INSC: variants seen among roughly 807,000 people sequenced by gnomAD.
INSC encodes protein inscuteable homolog.
A neutral mutation model predicts 58.6 loss-of-function variants in INSC; 67 were observed. That is an observed-to-expected ratio of 1.14 (90% CI 0.94 to 1.40). INSC has a LOEUF of 1.40. INSC is among the 40% of genes most tolerant of loss of function. The probability of loss-of-function intolerance (pLI) is 0.00; values close to 1 mark genes in which losing one functional copy is unlikely to be tolerated. For synonymous variants in INSC, 262 were observed against 276.1 expected (o/e 0.95, Z 0.51); for missense variants, 714 against 692.0 (o/e 1.03, Z -0.36).
Position 15,234,041 on chromosome 11 carries a change from C to T in INSC, c.1171-1561C>T, listed in dbSNP as rs144604174. Among the ~76,000 whole-genome samples the T allele has an allele frequency of 9.2e-4, 140 of 152,324 alleles. 1 individual carries two copies. The highest frequency in any genetic ancestry group is 1.9e-3 in the South Asian group (9 of 4,826). On this transcript the variant is annotated intron_variant, in intron 9 of 12. Coordinates refer to ENST00000379556, the MANE Select transcript of INSC (RefSeq NM_001042536.3). ...AAGTGCAAAAACAAGTAAATAAATA[C>T]GTAAAAGAGCCTCTAAGTCCTAAAC...
chr11:15,153,825 G>A (rs192618986), intron 2 of INSC, among the ~76,000 whole-genome samples: 47 of 152,310 alleles, frequency 3.1e-4, no homozygotes, highest in African/African-American at 9.1e-4. Flanking sequence ...ACTGAGGCCC[G>A]GAGAGGGGAA....
chr11:15,210,297 C>T (rs1850968825), intron 7 of INSC, among the ~76,000 whole-genome samples: 1 of 145,186 alleles, frequency 6.9e-6, no homozygotes, highest in African/African-American at 2.7e-5. Context: ...TATCCTGTGG[C>T]ATATGAAGTA....
chr11:15,219,039 GCAGA>G (rs1564909981), intron 7 of INSC, among the ~76,000 whole-genome samples: 3 of 152,180 alleles, frequency 2.0e-5, no homozygotes, highest in Non-Finnish European at 4.4e-5. Flanking sequence ...GGACAGGGGA[GCAGA>G]CAGACAAAGG....
At chr11:15,213,483 T>A (rs1439680925) in intron 7 of INSC, among the ~76,000 whole-genome samples, 1 of 152,194 alleles carries the variant, frequency 6.6e-6, no homozygotes, top group African/African-American at 2.4e-5. Flanking sequence ...AAACTTGATA[T>A]TTTCTTATCA....
intron 1 of INSC, among the ~76,000 whole-genome samples, chr11:15,127,054 G>A (rs1345803469): frequency 1.3e-5 from 2 of 152,230 alleles, no homozygotes; most frequent in East Asian, 3.9e-4. Flanking sequence ...AGAGGAGAGG[G>A]AGGTTTTGGT....
rs780043285 is a variant in INSC at position 15,190,801 on chromosome 11, G to A, written c.680G>A (p.Arg227His). 12 of 1,611,034 alleles carry A rather than the reference G, an allele frequency of 7.4e-6. No individual in the cohort carries two copies. Among genetic ancestry groups the A allele is most frequent in the South Asian group, 6.6e-5 (6 of 91,008 alleles). ...SLTQEGAPLC[R>H]IIAKEGGVVA... is the part of the protein sequence containing the mutation. ...ACCCAGGAGGGGGCTCCCTTGTGCC[G>A]CATCATAGCCAAGGTGAGCTTCATG... is the stretch of plus-strand genomic sequence containing the variant. Residue 227 changes from arginine to histidine, a missense_variant, in exon 6 of 13, where the codon CGC becomes CAC. Coordinates refer to ENST00000379556, the MANE Select transcript of INSC (RefSeq NM_001042536.3).
In INSC at chr11:15,177,136, G is replaced by T. The variant is rs1849598389; in HGVS notation, c.428G>T (p.Cys143Phe). The change falls in exon 4 of 13, where the codon TGC becomes TTC. Residue 143 changes from cysteine to phenylalanine, a missense_variant. Cys to Phe is a radical substitution (Grantham distance 205). Coordinates refer to ENST00000379556, the MANE Select transcript of INSC (RefSeq NM_001042536.3). ...ATTGAGAAGCTGCTAATGGAGAAAT[G>T]CTCGGAGCTCTCGGCAGTCACAGAG... The part of the protein sequence containing the change: ...GEIEKLLMEK[C>F]SELSAVTERC... 1.2e-6 allele frequency: 2 copies of T among 1,613,924 alleles called. No individual in the cohort carries two copies. Among genetic ancestry groups the T allele is most frequent in the Middle Eastern group, 1.6e-4 (1 of 6,084 alleles).
At chr11:15,179,146 C>T (rs745445808) in intron 5 of INSC, among the ~76,000 whole-genome samples, 2 of 152,140 alleles carry the variant, frequency 1.3e-5, no homozygotes, top group African/African-American at 4.8e-5. Flanking sequence ...CTCTCAGCCT[C>T]GTTTTCCTCC....
chr11:15,187,621 T>C (rs1411564987), intron 5 of INSC, among the ~76,000 whole-genome samples: 1 of 152,246 alleles, frequency 6.6e-6, no homozygotes, highest in African/African-American at 2.4e-5. Context: ...AATACATTTT[T>C]TCTTTTCTAA....
At position 15,128,430 on chromosome 11, in the gene INSC, G is replaced by T. The variant is rs185672310; in HGVS notation, c.-46+13427G>T. On this transcript the variant is annotated intron_variant, in intron 1 of 12. Transcript: ENST00000379556. ...ATATTTTAGTTTTTACAACAAATGT[G>T]CCAGGTAATCAAATGTATATTATTA... Among the ~76,000 whole-genome samples the T allele has an allele frequency of 3.9e-5, 6 of 152,260 alleles. No individual in the cohort carries two copies. In the East Asian group the frequency reaches 1.2e-3, roughly 29 times the overall value.
chr11:15,212,706 T>C (rs1190319445), intron 7 of INSC, among the ~76,000 whole-genome samples: 1 of 152,198 alleles, frequency 6.6e-6, no homozygotes, highest in Non-Finnish European at 1.5e-5. Flanking sequence ...TAATCTTGCT[T>C]GCTATATTTA....
In INSC at chr11:15,170,789, C is replaced by T. The variant is rs1036833114; in HGVS notation, c.57-4952C>T. On this transcript the variant is annotated intron_variant, in intron 2 of 12. Transcript: ENST00000379556. The stretch of plus-strand genomic sequence containing the variant: ...AAACACATATACAGTCATCTATTTG[C>T]GCAAATAGGGATATACAGACACACA... 1.3e-4 allele frequency among the ~76,000 whole-genome samples: 20 copies of T among 152,030 alleles called. 2 individuals carry two copies. Among genetic ancestry groups the T allele is most frequent in the Admixed American group, 7.9e-4 (12 of 15,248 alleles).
At chr11:15,149,580 G>A (rs1187698681) in intron 2 of INSC, among the ~76,000 whole-genome samples, 1 of 152,114 alleles carries the variant, frequency 6.6e-6, no homozygotes. Flanking sequence ...CTTCTCTTTT[G>A]CCCAGAGCAT....
intron 6 of INSC, among the ~76,000 whole-genome samples, chr11:15,195,022 C>G (rs1465672891): frequency 6.6e-6 from 1 of 152,156 alleles, no homozygotes; most frequent in Non-Finnish European, 1.5e-5. Flanking sequence ...GGGTTGAGGA[C>G]CTCTACTCTC....
Position 15,218,179 on chromosome 11 carries a change from T to C in INSC, c.820-3298T>C, listed in dbSNP as rs1331640225. On this transcript the variant is annotated intron_variant, in intron 7 of 12. Transcript: ENST00000379556. ...ATAAATGAATTGAAATTGATTTATA[T>C]AATGAAATACCATACAACAGTGAAA... 2.6e-5 allele frequency among the ~76,000 whole-genome samples: 4 copies of C among 152,186 alleles called. No individual in the cohort carries two copies. The East Asian group carries it at 5.8e-4, about 22-fold the overall frequency.
upstream of INSC, among the ~76,000 whole-genome samples, chr11:15,113,422 G>A (rs1187935147): frequency 6.6e-6 from 1 of 152,128 alleles, no homozygotes; most frequent in Non-Finnish European, 1.5e-5. Flanking sequence ...GCCTCCCAAA[G>A]AGCTGGGATT....
At chr11:15,131,044 C>T (rs1273868187) in intron 1 of INSC, among the ~76,000 whole-genome samples, 6 of 151,732 alleles carry the variant, frequency 4.0e-5, no homozygotes, top group African/African-American at 9.7e-5. Context: ...ATTATTTTCC[C>T]TCTGATACTT....
intron 9 of INSC, among the ~76,000 whole-genome samples, chr11:15,231,989 C>T (rs1422601585): frequency 1.3e-5 from 2 of 152,200 alleles, no homozygotes; most frequent in Non-Finnish European, 2.9e-5. Flanking sequence ...CAAAAGGCCT[C>T]GCCAACCTCC....
chr11:15,200,255 C>T (rs1380290614), intron 6 of INSC, among the ~76,000 whole-genome samples: 2 of 151,840 alleles, frequency 1.3e-5, no homozygotes, highest in Admixed American at 1.3e-4. Flanking sequence ...CCCATCCGGA[C>T]TTCAGTTTTT....
Sources: allele counts gnomAD v4.1 joint callset (sites outside exome capture counted in the v4.1 genomes callset), GRCh38; gene constraint gnomAD v4.1.1; transcripts MANE v1.5; gene names NCBI Gene and HGNC (gene_info 2026-07-23, HGNC 2026-07-21).